Variants in RAB3C observed in about 807,000 individuals in gnomAD.
RAB3C encodes the protein ras-related protein Rab-3C.
Under a neutral mutation model 26.4 loss-of-function variants are expected in RAB3C, and 17 were observed. The ratio of observed to expected loss-of-function variants is 0.64; its 90% CI spans 0.44 to 0.97. The LOEUF (loss-of-function observed/expected upper bound fraction) is 0.97, where lower values mean the gene tolerates loss of function less well. Ranked by LOEUF, RAB3C falls within the 50% of genes least tolerant of loss-of-function variation. RAB3C has a pLI of 0.00. For missense variants in RAB3C, 242 were observed against 281.9 expected, an observed-to-expected ratio of 0.86 and a Z score of 1.01; for synonymous variants, 91 against 95.9, an observed-to-expected ratio of 0.95 and a Z score of 0.30.
intron 4 of RAB3C, among the ~76,000 whole-genome samples, chr5:58,848,795 AAAG>A (rs1222519031): frequency 2.6e-5 from 4 of 152,196 alleles, no homozygotes; most frequent in Non-Finnish European, 4.4e-5. Flanking sequence ...GATTTTTTTT[AAAG>A]TGACTTGTTC....
rs148865196 is a variant in RAB3C at position 58,822,948 on chromosome 5, A to G, written c.372-2090A>G. On this transcript the variant is annotated intron_variant, in intron 3 of 4. Transcript: ENST00000282878. The stretch of plus-strand genomic sequence containing the variant: ...CCTGGTGCCTTCACCTGCTATTTGG[A>G]TGTAGGCCTTGCCAGAACCATCACT... 1,306 of 638,882 alleles carry G rather than the reference A, an allele frequency of 2.0e-3. 18 individuals carry two copies. In the African/African-American group the frequency reaches 0.021, roughly 10 times the overall value. 39.6% of individuals were successfully genotyped at this position (638,882 alleles called of 1,614,324 possible). A position where few individuals can be genotyped will look rare whatever the true frequency, so the allele number is the denominator to read the frequency against.
At chr5:58,779,382 GTA>G (rs137951547) in intron 3 of RAB3C, among the ~76,000 whole-genome samples, 1 of 148,772 alleles carries the variant, frequency 6.7e-6, no homozygotes, top group Admixed American at 6.8e-5. Context: ...ATGATTTTAT[GTA>G]TATATATATG....
intron 2 of RAB3C, among the ~76,000 whole-genome samples, chr5:58,691,615 T>A (rs1254383159): frequency 1.3e-5 from 2 of 152,160 alleles, no homozygotes; most frequent in African/African-American, 4.8e-5. Context: ...CGGAACAGTC[T>A]TGGTACAAAA....
intron 2 of RAB3C, among the ~76,000 whole-genome samples, chr5:58,719,148 A>C (rs17348080): frequency 0.12 from 19,000 of 152,016 alleles, 1,534 homozygotes; most frequent in Non-Finnish European, 0.18. Flanking sequence ...TTTTGGGATG[A>C]AATTCCAACA....
chr5:58,732,528 A>T (rs1741049447), intron 3 of RAB3C, among the ~76,000 whole-genome samples: 2 of 152,172 alleles, frequency 1.3e-5, no homozygotes, highest in African/African-American at 4.8e-5. Context: ...AGAAGACAGA[A>T]TATTTGCGCA....
At chr5:58,599,517 G>A (rs1561261897) in intron 1 of RAB3C, among the ~76,000 whole-genome samples, 1 of 152,008 alleles carries the variant, frequency 6.6e-6, no homozygotes, top group Non-Finnish European at 1.5e-5. Flanking sequence ...TGTGTTCTGG[G>A]GTTCTCCTTT....
intron 4 of RAB3C, among the ~76,000 whole-genome samples, chr5:58,841,405 T>C (rs1743872226): frequency 6.6e-6 from 1 of 152,178 alleles, no homozygotes. Flanking sequence ...TTCAGCTACC[T>C]GTATCAGCTT....
At chr5:58,682,840 A>G (rs890655119) in intron 2 of RAB3C, among the ~76,000 whole-genome samples, 5 of 152,198 alleles carry the variant, frequency 3.3e-5, no homozygotes, top group Admixed American at 2.0e-4. Flanking sequence ...ATGAATCCAT[A>G]TATTTTCTCA....
chr5:58,689,150 A>G (rs1424343892), intron 2 of RAB3C: 1 of 152,150 alleles, frequency 6.6e-6, no homozygotes, highest in African/African-American at 2.4e-5. Context: ...CATGGCTACT[A>G]TGAGACGAGA....
chr5:58,692,693 T>C (rs984642932), intron 2 of RAB3C, among the ~76,000 whole-genome samples: 1 of 152,032 alleles, frequency 6.6e-6, no homozygotes, highest in Non-Finnish European at 1.5e-5. Flanking sequence ...TTGGGCCAAC[T>C]TTTCTGGCAT....
At chr5:58,630,200 A>G (rs1747160453) in intron 2 of RAB3C, among the ~76,000 whole-genome samples, 1 of 152,254 alleles carries the variant, frequency 6.6e-6, no homozygotes, top group South Asian at 2.1e-4. Flanking sequence ...TCTATAAAAT[A>G]AGGATAATAA....
At chr5:58,656,401 A>C (rs1747773313) in intron 2 of RAB3C, among the ~76,000 whole-genome samples, 1 of 152,236 alleles carries the variant, frequency 6.6e-6, no homozygotes, top group Non-Finnish European at 1.5e-5. Flanking sequence ...TAAGTATGTG[A>C]GGTGATGGAT....
chr5:58,753,406 C>T lies in RAB3C; in HGVS notation c.371+27286C>T, dbSNP rs543695959. ...TTTTAAGAAATGCCAAGTAAATCCC[C>T]CTCATTTATAAATACATAAGTAACC... On this transcript the variant is annotated intron_variant, in intron 3 of 4. Transcript: ENST00000282878. Among the ~76,000 whole-genome samples, 31 of 152,206 alleles carry T rather than the reference C, an allele frequency of 2.0e-4. No homozygotes were observed. In the East Asian group the frequency reaches 5.6e-3, roughly 27 times the overall value.
intron 3 of RAB3C, among the ~76,000 whole-genome samples, chr5:58,787,846 T>G (rs1435047551): frequency 6.6e-6 from 1 of 152,206 alleles, no homozygotes; most frequent in African/African-American, 2.4e-5. Flanking sequence ...TGCTGTTAGA[T>G]TCTCAGCTGT....
chr5:58,667,045 G>GTGA (rs1393108709), intron 2 of RAB3C, among the ~76,000 whole-genome samples: 1 of 152,158 alleles, frequency 6.6e-6, no homozygotes, highest in Non-Finnish European at 1.5e-5. Context: ...ATGAATCATG[G>GTGA]TGATAGTTGT....
At chr5:58,609,067 C>T (rs1032076814) in intron 1 of RAB3C, among the ~76,000 whole-genome samples, 4 of 152,026 alleles carry the variant, frequency 2.6e-5, no homozygotes, top group Non-Finnish European at 5.9e-5. Context: ...GGAGGGATAG[C>T]ATTAGGAGAA....
intron 4 of RAB3C, among the ~76,000 whole-genome samples, chr5:58,845,606 A>ATGTGTGTGTG (rs1196545407): frequency 1.9e-4 from 11 of 56,542 alleles, no homozygotes; most frequent in African/African-American, 9.6e-4. Context: ...ATATATATAT[A>ATGTGTGTGTG]TATATATGTG....
chr5:58,595,676 G>A (rs1170106180), intron 1 of RAB3C, among the ~76,000 whole-genome samples: 1 of 152,086 alleles, frequency 6.6e-6, no homozygotes, highest in Non-Finnish European at 1.5e-5. Flanking sequence ...AATTTCAGGG[G>A]AGTTCCGCAT....
intron 3 of RAB3C, among the ~76,000 whole-genome samples, chr5:58,757,843 G>T (rs192838501): frequency 1.2e-4 from 19 of 152,278 alleles, no homozygotes; most frequent in African/African-American, 4.6e-4. Context: ...TGATGTTCCA[G>T]TGTCAGCACT....
Sources: gnomAD v4.1 joint callset for allele counts (sites outside exome capture counted in the v4.1 genomes callset) on GRCh38, gnomAD v4.1.1 for gene constraint, MANE v1.5 for transcripts, NCBI Gene and HGNC (gene_info 2026-07-23, HGNC 2026-07-21) for gene names.